Variants in BTAF1 observed in about 807,000 individuals in gnomAD.
The protein encoded by BTAF1 is TATA-binding protein-associated factor 172.
Under a neutral mutation model 227.1 loss-of-function variants are expected in BTAF1, and 38 were observed. That is an observed-to-expected ratio of 0.17 (90% CI 0.13 to 0.22). BTAF1 has a LOEUF of 0.22. BTAF1 is among the 10% of genes least tolerant of loss of function. The probability of loss-of-function intolerance (pLI) is 1.00; values close to 1 mark genes in which losing one functional copy is unlikely to be tolerated. For synonymous variants in BTAF1, 742 were observed against 751.9 expected, an observed-to-expected ratio of 0.99 and a Z score of 0.21; for missense variants, 1,598 against 2,204.0, an observed-to-expected ratio of 0.73 and a Z score of 5.51.
chr10:91,987,355 T>C (rs2792025), intron 19 of BTAF1, among the ~76,000 whole-genome samples: 48,441 of 151,618 alleles, frequency 0.32, 8,852 homozygotes, highest in South Asian at 0.52. Flanking sequence ...TGGTGGTGGG[T>C]GCCTGTAGTC....
chr10:91,958,032 T>G (rs1846218172), intron 8 of BTAF1, among the ~76,000 whole-genome samples: 1 of 151,996 alleles, frequency 6.6e-6, no homozygotes, highest in Non-Finnish European at 1.5e-5. Context: ...CATTGGTAGC[T>G]TTGGAGCTTA....
chr10:92,000,630 C>G (rs1251682219), intron 25 of BTAF1, among the ~76,000 whole-genome samples: 1 of 152,084 alleles, frequency 6.6e-6, no homozygotes, highest in Admixed American at 6.5e-5. Flanking sequence ...GTGATCTTGG[C>G]TCCTGCAACC....
intron 37 of BTAF1, 52 bp from the exon 38 acceptor site, chr10:92,028,738 G>A: frequency 6.7e-7 from 1 of 1,502,596 alleles, no homozygotes; most frequent in Non-Finnish European, 9.0e-7. Context: ...AATACAATTT[G>A]TGAAGTTAAC....
chr10:92,008,977 A>G lies in BTAF1; in HGVS notation c.3935+27A>G, dbSNP rs780676317. ...TAATTTAAGATGTTATTTTAAAATA[A>G]GGTTTCCGGATTTGGAGAAATGTAA... On this transcript the variant is annotated intron_variant, in intron 27 of 37. Coordinates refer to ENST00000265990, the MANE Select transcript of BTAF1 (RefSeq NM_003972.3). The G allele has an allele frequency of 3.1e-6, 5 of 1,611,838 alleles. No individual in the cohort carries two copies. In the East Asian group the frequency reaches 1.1e-4, roughly 36 times the overall value.
chr10:91,996,279 T>C, intron 23 of BTAF1, 90 bp from the exon 24 acceptor site: 13 of 1,114,242 alleles, frequency 1.2e-5, no homozygotes, highest in South Asian at 2.9e-5. Flanking sequence ...ACTTAGAATA[T>C]TGAAAACTTT....
chr10:91,924,179 T>A (rs1255638773), intron 1 of BTAF1, 89 bp downstream of exon 1: 1 of 1,526,418 alleles, frequency 6.6e-7, no homozygotes, highest in Non-Finnish European at 8.8e-7. Context: ...AGAAGAGCGG[T>A]TCTCATTGTC....
intron 33 of BTAF1, 112 bp from the exon 34 acceptor site, chr10:92,018,671 G>A: frequency 1.0e-6 from 1 of 962,120 alleles, no homozygotes; most frequent in Non-Finnish European, 1.5e-6. Flanking sequence ...AGCAAGAAGA[G>A]GGAGAAAGGC....
intron 28 of BTAF1, among the ~76,000 whole-genome samples, chr10:92,010,539 A>C (rs1179315128): frequency 6.6e-6 from 1 of 152,230 alleles, no homozygotes; most frequent in South Asian, 2.1e-4. Context: ...TTGGTAGATA[A>C]GATGACAATG....
intron 11 of BTAF1, among the ~76,000 whole-genome samples, chr10:91,960,993 A>G (rs1846471636): frequency 6.6e-6 from 1 of 152,196 alleles, no homozygotes; most frequent in Non-Finnish European, 1.5e-5. Flanking sequence ...ATATACACAT[A>G]ATATTTTTGT....
chr10:91,925,815 T>G (rs1843790363), intron 1 of BTAF1, among the ~76,000 whole-genome samples: 1 of 152,216 alleles, frequency 6.6e-6, no homozygotes, highest in Admixed American at 6.5e-5. Context: ...CAGCCAACAC[T>G]AATCTCTTTA....
At chr10:92,024,735 T>TTTTTGTTTG (rs774391498) in intron 34 of BTAF1, 21 bp from the exon 35 acceptor site, 23 of 1,564,060 alleles carry the variant, frequency 1.5e-5, no homozygotes, top group Middle Eastern at 4.2e-4. Context: ...TTATGTAGTT[T>TTTTTGTTTG]TTTTTTTTTT....
At chr10:92,001,339 C>G (rs1312291341) in intron 25 of BTAF1, among the ~76,000 whole-genome samples, 1 of 152,176 alleles carries the variant, frequency 6.6e-6, no homozygotes, top group Non-Finnish European at 1.5e-5. Context: ...GAGTATTCAT[C>G]TGCATGTACT....
intron 2 of BTAF1, among the ~76,000 whole-genome samples, chr10:91,937,135 C>G (rs1844672592): frequency 6.6e-6 from 1 of 151,754 alleles, no homozygotes; most frequent in South Asian, 2.1e-4. Flanking sequence ...GCTGAGACTA[C>G]AGGCGTGCAC....
chr10:92,009,269 A>C, intron 28 of BTAF1, 61 bp downstream of exon 28: 1 of 1,526,744 alleles, frequency 6.5e-7, no homozygotes. Flanking sequence ...GATAAGGAAC[A>C]GTAACATTTA....
At chr10:91,936,949 T>C (rs549474952) in intron 2 of BTAF1, among the ~76,000 whole-genome samples, 1 of 152,036 alleles carries the variant, frequency 6.6e-6, no homozygotes, top group Non-Finnish European at 1.5e-5. Context: ...TTTAGCACTG[T>C]CTCACCGTCT....
At chr10:91,937,513 T>TA (rs1844709623) in intron 2 of BTAF1, among the ~76,000 whole-genome samples, 1 of 152,212 alleles carries the variant, frequency 6.6e-6, no homozygotes, top group South Asian at 2.1e-4. Context: ...ACTAACTTTA[T>TA]AGGAAGATTT....
At chr10:91,930,366 T>G (rs1844189338) in intron 1 of BTAF1, among the ~76,000 whole-genome samples, 1 of 152,166 alleles carries the variant, frequency 6.6e-6, no homozygotes, top group Admixed American at 6.5e-5. Flanking sequence ...CAATATTTAC[T>G]GAGTGCTTTC....
In BTAF1 at chr10:91,948,229, G is replaced by A. The variant is rs183039511; in HGVS notation, c.401-3174G>A. Among the ~76,000 whole-genome samples the A allele has an allele frequency of 4.8e-3, 679 of 142,194 alleles. 5 individuals are homozygous for A. Among genetic ancestry groups the A allele is most frequent in the Middle Eastern group, 0.024 (6 of 250 alleles). 93.3% of individuals were successfully genotyped at this position (142,194 alleles called of 152,430 possible). On this transcript the variant is annotated intron_variant, in intron 4 of 37. Coordinates refer to ENST00000265990, the MANE Select transcript of BTAF1 (RefSeq NM_003972.3). ...TGTGTCCAAGTGTTCTCATTGTTCAGTTCCCACCTATGAGTGAGAACAGTA... is the reference window on the plus strand; with the variant it reads ...TGTGTCCAAGTGTTCTCATTGTTCAATTCCCACCTATGAGTGAGAACAGTA...
chr10:91,965,972 A>G (rs1327998223), intron 13 of BTAF1, among the ~76,000 whole-genome samples: 3 of 152,188 alleles, frequency 2.0e-5, no homozygotes, highest in African/African-American at 7.2e-5. Context: ...CTGCTTATGA[A>G]TTATTTCCTA....
Sources: gnomAD v4.1 joint callset for allele counts (sites outside exome capture counted in the v4.1 genomes callset) on GRCh38, gnomAD v4.1.1 for gene constraint, MANE v1.5 for transcripts, NCBI Gene and HGNC (gene_info 2026-07-23, HGNC 2026-07-21) for gene names.